MSH4: variants seen among roughly 807,000 people sequenced by gnomAD.
MSH4 encodes mutS protein homolog 4.
In MSH4, 106 loss-of-function variants were observed where a neutral mutation model predicts 113.7. The ratio of observed to expected loss-of-function variants is 0.93; its 90% CI spans 0.80 to 1.10. The LOEUF (loss-of-function observed/expected upper bound fraction) is 1.10. Ranked by LOEUF, MSH4 falls within the 50% of genes least tolerant of loss-of-function variation. The pLI, the probability that MSH4 is intolerant of heterozygous loss-of-function variation, is 0.00. For synonymous variants in MSH4, 368 were observed against 380.2 expected (o/e 0.97, Z 0.37); for missense variants, 1,061 against 1,093.7 (o/e 0.97, Z 0.42).
At chr1:75,845,726 G>T (rs1651061459) in intron 7 of MSH4, among the ~76,000 whole-genome samples, 1 of 152,072 alleles carries the variant, frequency 6.6e-6, no homozygotes, top group African/African-American at 2.4e-5. Flanking sequence ...TGGGGAGGTA[G>T]GGGGTGATTA....
intron 14 of MSH4, among the ~76,000 whole-genome samples, chr1:75,883,405 T>C (rs1570986488): frequency 6.6e-6 from 1 of 151,954 alleles, no homozygotes. Context: ...TCTAGAGTTC[T>C]CTAGAAGTGA....
intron 3 of MSH4, among the ~76,000 whole-genome samples, chr1:75,807,467 A>G (rs1461069285): frequency 6.6e-6 from 1 of 152,190 alleles, no homozygotes; most frequent in Non-Finnish European, 1.5e-5. Context: ...CATAATCCTT[A>G]AAGACACAAT....
At chr1:75,895,828 G>A (rs1218508688) in intron 17 of MSH4, among the ~76,000 whole-genome samples, 9 of 152,224 alleles carry the variant, frequency 5.9e-5, no homozygotes, top group Middle Eastern at 6.8e-3. Context: ...ATATTAGAGG[G>A]AAGTATGACC....
intron 5 of MSH4, among the ~76,000 whole-genome samples, 175 bp from the exon 6 acceptor site, chr1:75,816,198 C>T (rs1255995760): frequency 6.6e-6 from 1 of 152,022 alleles, no homozygotes; most frequent in African/African-American, 2.4e-5. Context: ...TATTTTCATT[C>T]ATTTTTATGA....
intron 17 of MSH4, among the ~76,000 whole-genome samples, chr1:75,893,646 TAAAGGTGAGGTACA>T (rs1281341314): frequency 6.6e-6 from 1 of 152,184 alleles, no homozygotes; most frequent in Non-Finnish European, 1.5e-5. Context: ...ACTAGATCTC[TAAAGGTGAGGTACA>T]AAATGTGACT....
chr1:75,871,982 A>G (rs973115644), intron 9 of MSH4, among the ~76,000 whole-genome samples: 2 of 152,204 alleles, frequency 1.3e-5, no homozygotes, highest in Non-Finnish European at 2.9e-5. Context: ...TAAAAATTTT[A>G]GATGCTCCAG....
chr1:75,844,513 G>A (rs1344825105), intron 7 of MSH4, among the ~76,000 whole-genome samples: 1 of 151,958 alleles, frequency 6.6e-6, no homozygotes. Context: ...TTTTTGTAGA[G>A]ACAGGGTCTC....
At chr1:75,874,104 A>G (rs1256607087) in intron 9 of MSH4, among the ~76,000 whole-genome samples, 6 of 152,070 alleles carry the variant, frequency 3.9e-5, no homozygotes, top group African/African-American at 7.2e-5. Flanking sequence ...TGACTTTTTA[A>G]TAATAGCCAT....
At chr1:75,829,675 G>T (rs370435800) in intron 7 of MSH4, among the ~76,000 whole-genome samples, 3 of 152,140 alleles carry the variant, frequency 2.0e-5, no homozygotes, top group Admixed American at 2.0e-4. Flanking sequence ...AGGCAAACAG[G>T]GTCTGGATAG....
chr1:75,887,339 G>GT (rs1652147413), intron 15 of MSH4, among the ~76,000 whole-genome samples: 1 of 152,024 alleles, frequency 6.6e-6, no homozygotes, highest in Non-Finnish European at 1.5e-5. Flanking sequence ...CGTCATGATT[G>GT]TAAGTTTCCT....
At chr1:75,871,482 A>AT (rs1443492125) in intron 9 of MSH4, among the ~76,000 whole-genome samples, 1 of 152,236 alleles carries the variant, frequency 6.6e-6, no homozygotes, top group Non-Finnish European at 1.5e-5. Flanking sequence ...AAGGTGATTA[A>AT]TAAATGGTAC....
Position 75,803,730 on chromosome 1 carries a change from G to C in MSH4, c.245-1G>C. ...ATTGACTGTTAATTTTTCAAATTTAGGTTCATACTTTGGAAACAAAAGAGC... is the reference window on the plus strand; with the variant it reads ...ATTGACTGTTAATTTTTCAAATTTACGTTCATACTTTGGAAACAAAAGAGC... On this transcript the variant is annotated splice_acceptor_variant, in intron 1 of 19. Transcript: ENST00000263187. LOFTEE classifies it high-confidence loss of function. The C allele has an allele frequency of 1.9e-6, 3 of 1,550,742 alleles. No homozygotes were observed. Among genetic ancestry groups the C allele is most frequent in the Non-Finnish European group, 2.6e-6 (3 of 1,152,626 alleles).
intron 17 of MSH4, among the ~76,000 whole-genome samples, chr1:75,895,696 A>G (rs1390382074): frequency 1.3e-5 from 2 of 152,160 alleles, no homozygotes; most frequent in Non-Finnish European, 2.9e-5. Context: ...AGTATTGCCA[A>G]TTTCACATTA....
At chr1:75,852,637 T>C (rs778884716) in intron 8 of MSH4, among the ~76,000 whole-genome samples, 3 of 152,314 alleles carry the variant, frequency 2.0e-5, no homozygotes, top group Non-Finnish European at 4.4e-5. Flanking sequence ...GAGCATCTTT[T>C]TACATGCTTA....
intron 19 of MSH4, among the ~76,000 whole-genome samples, chr1:75,901,441 T>G (rs1249289846): frequency 6.6e-6 from 1 of 152,172 alleles, no homozygotes; most frequent in East Asian, 1.9e-4. Context: ...TTTATTTCAT[T>G]TAGCATAGTG....
chr1:75,808,052 A>G (rs985309437), intron 3 of MSH4, among the ~76,000 whole-genome samples: 22 of 152,200 alleles, frequency 1.4e-4, no homozygotes, highest in Non-Finnish European at 1.0e-4. Context: ...AATTTTTTTG[A>G]TAAATGAAGA....
chr1:75,805,732 T>A (rs994891769), intron 2 of MSH4, among the ~76,000 whole-genome samples: 2 of 152,146 alleles, frequency 1.3e-5, no homozygotes, highest in Non-Finnish European at 2.9e-5. Flanking sequence ...CCAAGTTTCT[T>A]TTGAGAACTG....
At chr1:75,876,126 GA>G (rs533873934) in intron 9 of MSH4, among the ~76,000 whole-genome samples, 1 of 151,898 alleles carries the variant, frequency 6.6e-6, no homozygotes, top group South Asian at 2.1e-4. Context: ...TCCAAAATCT[GA>G]AAAAAATCCA....
chr1:75,907,689 C>CATATATATATATATATATATATATATAT (rs71071973), intron 19 of MSH4, among the ~76,000 whole-genome samples: 16 of 78,618 alleles, frequency 2.0e-4, no homozygotes, highest in Non-Finnish European at 2.3e-4. Flanking sequence ...TCTCTCTATA[C>CATATATATATATATATATATATATATAT]ATATATATAT....
Sources: allele counts gnomAD v4.1 joint callset (sites outside exome capture counted in the v4.1 genomes callset), GRCh38; gene constraint gnomAD v4.1.1; transcripts MANE v1.5; gene names NCBI Gene and HGNC (gene_info 2026-07-23, HGNC 2026-07-21).